Variants in ADGRB3 observed in about 807,000 individuals in gnomAD.
ADGRB3 encodes the protein brain-specific angiogenesis inhibitor 3.
ADGRB3 carries 37 observed loss-of-function variants against 193.4 expected under a neutral mutation model. The observed-to-expected ratio is 0.19, with a 90% confidence interval of 0.15 to 0.25. The LOEUF (loss-of-function observed/expected upper bound fraction) is 0.25, where lower values mean the gene tolerates loss of function less well. ADGRB3 is among the 10% of genes least tolerant of loss of function. ADGRB3 has a pLI of 1.00. For synonymous variants in ADGRB3, 690 were observed against 644.2 expected, an observed-to-expected ratio of 1.07 and a Z score of -1.08; for missense variants, 1,637 against 1,852.9, an observed-to-expected ratio of 0.88 and a Z score of 2.14.
intron 3 of ADGRB3, among the ~76,000 whole-genome samples, chr6:68,732,020 T>C (rs1345105135): frequency 1.3e-5 from 2 of 151,762 alleles, no homozygotes; most frequent in South Asian, 2.1e-4. Context: ...ATTTAACTTA[T>C]CTACTCATGA....
chr6:69,208,911 G>A (rs940252713), intron 17 of ADGRB3, among the ~76,000 whole-genome samples: 2 of 152,192 alleles, frequency 1.3e-5, no homozygotes, highest in Non-Finnish European at 2.9e-5. Flanking sequence ...AGGGTAACAT[G>A]ATGACCCATG....
intron 17 of ADGRB3, among the ~76,000 whole-genome samples, chr6:69,089,873 A>G (rs992095952): frequency 3.3e-5 from 5 of 152,196 alleles, no homozygotes; most frequent in Admixed American, 6.5e-5. Context: ...ATGTCTCCAG[A>G]TATTACCAAA....
At chr6:68,639,532 A>G (rs953415018) in intron 3 of ADGRB3, 100 bp downstream of exon 3, 1 of 1,350,998 alleles carries the variant, frequency 7.4e-7, no homozygotes, top group Non-Finnish European at 9.8e-7. Flanking sequence ...TTTATCCTTT[A>G]TTGTCACTTT....
At chr6:68,981,019 T>A (rs931278592) in intron 10 of ADGRB3, among the ~76,000 whole-genome samples, 1 of 151,560 alleles carries the variant, frequency 6.6e-6, no homozygotes, top group Non-Finnish European at 1.5e-5. Flanking sequence ...GATTTTTGCA[T>A]CCATATACAT....
intron 20 of ADGRB3, among the ~76,000 whole-genome samples, chr6:69,278,548 A>G (rs1767351883): frequency 6.6e-6 from 1 of 152,180 alleles, no homozygotes; most frequent in African/African-American, 2.4e-5. Context: ...TAGCATTGAT[A>G]GCTAACCTAA....
In ADGRB3 at chr6:69,030,531, C is replaced by T. The variant is rs570808250; in HGVS notation, c.2107+12032C>T. On this transcript the variant is annotated intron_variant, in intron 13 of 31. Transcript: ENST00000370598. ...AACACAAGAACAGAAAATCAAACAC[C>T]GCATGTTCTCACTCATAGGTAGGAG... 1.6e-4 allele frequency among the ~76,000 whole-genome samples: 24 copies of T among 152,170 alleles called. No homozygotes were observed. In the South Asian group the frequency reaches 3.3e-3, roughly 21 times the overall value.
rs1562107202 is a variant in ADGRB3 at position 68,975,276 on chromosome 6, CCTT to C, written c.1673_1675del (p.Phe558del). ...TGCTCTCTCAGTCTTCATGGAGTGG[CCTT>C]CTGGGAACAGCCGAGCTTTGCAAGA... is the stretch of plus-strand genomic sequence containing the variant. On this transcript the variant is annotated inframe_deletion, in exon 10 of 32. Coordinates refer to ENST00000370598, the MANE Select transcript of ADGRB3 (RefSeq NM_001704.3). The C allele has an allele frequency of 6.2e-7, 1 of 1,613,998 alleles. No individual in the cohort carries two copies. The highest frequency in any genetic ancestry group is 1.7e-5 in the Admixed American group (1 of 59,996).
chr6:69,081,020 T>C (rs1772372062), intron 17 of ADGRB3, among the ~76,000 whole-genome samples: 1 of 152,030 alleles, frequency 6.6e-6, no homozygotes, highest in African/African-American at 2.4e-5. Context: ...TGTTCTTTTC[T>C]GTAGTTAGAA....
intron 26 of ADGRB3, among the ~76,000 whole-genome samples, chr6:69,351,660 T>A (rs966881854): frequency 2.0e-5 from 3 of 152,224 alleles, no homozygotes; most frequent in African/African-American, 7.2e-5. Flanking sequence ...GCCCTTAATC[T>A]ATTGTCCCAT....
intron 3 of ADGRB3, among the ~76,000 whole-genome samples, chr6:68,755,871 G>T (rs1582175448): frequency 6.6e-6 from 1 of 152,036 alleles, no homozygotes; most frequent in African/African-American, 2.4e-5. Flanking sequence ...GATTAACAGT[G>T]TTTTGTTATT....
At chr6:68,803,593 T>C (rs963151664) in intron 3 of ADGRB3, among the ~76,000 whole-genome samples, 1 of 152,196 alleles carries the variant, frequency 6.6e-6, no homozygotes, top group Non-Finnish European at 1.5e-5. Flanking sequence ...TCTCATACCT[T>C]TGACTCTTCT....
At chr6:68,908,257 ATTAAC>A (rs1190916136) in intron 3 of ADGRB3, among the ~76,000 whole-genome samples, 2 of 151,922 alleles carry the variant, frequency 1.3e-5, no homozygotes, top group African/African-American at 4.8e-5. Flanking sequence ...TTTTTTTCTA[ATTAAC>A]TTATTTCTTC....
At chr6:69,369,514 A>G (rs1024285580) in intron 29 of ADGRB3, among the ~76,000 whole-genome samples, 3 of 152,042 alleles carry the variant, frequency 2.0e-5, no homozygotes, top group African/African-American at 7.2e-5. Flanking sequence ...TCTAGGCAAC[A>G]TGACAAAATC....
chr6:69,100,848 GGGAGGGAAGGAAGGAAGGAA>G (rs1773016684), intron 17 of ADGRB3, among the ~76,000 whole-genome samples: 1 of 34,852 alleles, frequency 2.9e-5, no homozygotes, highest in African/African-American at 6.8e-5. Flanking sequence ...GAAGGAGGGA[GGGAGGGAAGGAAGGAAGGAA>G]GGAAGAAGGA....
chr6:68,772,696 T>C (rs999307415), intron 3 of ADGRB3, among the ~76,000 whole-genome samples: 12 of 151,160 alleles, frequency 7.9e-5, no homozygotes, highest in Non-Finnish European at 1.3e-4. Context: ...TTACAAACAC[T>C]ACAGAAATAG....
chr6:68,749,446 GTA>G (rs1224567065), intron 3 of ADGRB3, among the ~76,000 whole-genome samples: 2 of 139,366 alleles, frequency 1.4e-5, no homozygotes, highest in East Asian at 2.2e-4. Context: ...GTGTGTGTGT[GTA>G]TAATTAATTC....
chr6:68,646,829 G>T (rs1265161334), intron 3 of ADGRB3, among the ~76,000 whole-genome samples: 2 of 152,100 alleles, frequency 1.3e-5, no homozygotes, highest in Non-Finnish European at 2.9e-5. Context: ...GAGAGGAAGG[G>T]TTGGTAACAT....
chr6:69,322,855 G>T (rs994140948), intron 20 of ADGRB3, among the ~76,000 whole-genome samples: 3 of 151,940 alleles, frequency 2.0e-5, no homozygotes, highest in African/African-American at 7.2e-5. Context: ...TCCAGCTATT[G>T]TAGAATACTA....
chr6:69,293,825 G>A (rs1357503474), intron 20 of ADGRB3, among the ~76,000 whole-genome samples: 1 of 152,130 alleles, frequency 6.6e-6, no homozygotes, highest in African/African-American at 2.4e-5. Flanking sequence ...AGTCTGGAAG[G>A]GGGTGGGGGG....
Sources: allele counts gnomAD v4.1 joint callset (sites outside exome capture counted in the v4.1 genomes callset), GRCh38; gene constraint gnomAD v4.1.1; transcripts MANE v1.5; gene names NCBI Gene and HGNC (gene_info 2026-07-23, HGNC 2026-07-21).